Variants in CFAP52 observed in about 807,000 individuals in gnomAD.
CFAP52 encodes cilia and flagella associated protein 52.
Under a neutral mutation model 70.5 loss-of-function variants are expected in CFAP52, and 57 were observed. The observed-to-expected ratio is 0.81, with a 90% CI of 0.65 to 1.01. CFAP52 has a LOEUF of 1.01. CFAP52 is among the 50% of genes least tolerant of loss of function. CFAP52 has a pLI of 0.00. For synonymous variants in CFAP52, 267 were observed against 292.5 expected (o/e 0.91, Z 0.89); for missense variants, 785 against 788.5 (o/e 1.00, Z 0.05).
chr17:9,614,635 G>T (rs1184021281), intron 8 of CFAP52, among the ~76,000 whole-genome samples: 2 of 152,000 alleles, frequency 1.3e-5, no homozygotes, highest in African/African-American at 4.8e-5. Flanking sequence ...TTAAAAAAAG[G>T]ACTTCTGGGA....
intron 1 of CFAP52, among the ~76,000 whole-genome samples, chr17:9,582,096 C>CA (rs1215235923): frequency 6.6e-6 from 1 of 152,072 alleles, no homozygotes; most frequent in Non-Finnish European, 1.5e-5. Context: ...TTTTTAAATG[C>CA]AAAAACAAAA....
rs769825446 is a variant in CFAP52, at chr17:9,585,896, A to G, written c.194A>G (p.Asn65Ser). The G allele has an allele frequency of 1.2e-6, 2 of 1,613,872 alleles. No homozygotes were observed. Among genetic ancestry groups the G allele is most frequent in the South Asian group, 1.1e-5 (1 of 91,074 alleles). Residue 65 changes from asparagine (N) to serine (S), a missense_variant, in exon 2 of 14, where the codon AAC becomes AGC. Physicochemically the swap from Asn to Ser is conservative, Grantham distance 46. Coordinates refer to ENST00000352665, the MANE Select transcript of CFAP52 (RefSeq NM_145054.5). ...CAGAACTTCCTACAGGGTCATGGCA[A>G]CAACGTCTCCTGCTTGGCCATCTCC... Reference protein sequence around the residue: ...KEQNFLQGHGNNVSCLAISRS... With the variant: ...KEQNFLQGHGSNVSCLAISRS...
At position 9,596,085 on chromosome 17, in the gene CFAP52, A is replaced by G. The variant is rs1444986769; in HGVS notation, c.536+1764A>G. ...TATATATATATATATATATATATAT[A>G]TATATATATATATATATGTACACAT... On this transcript the variant is annotated intron_variant, in intron 4 of 13. Transcript: ENST00000352665. Among the ~76,000 whole-genome samples the G allele has an allele frequency of 6.7e-4, 94 of 139,772 alleles. 1 individual carries two copies. The highest frequency in any genetic ancestry group is 1.9e-3 in the Admixed American group (26 of 13,612). 91.7% of individuals were successfully genotyped at this position (139,772 alleles called of 152,430 possible).
At position 9,597,831 on chromosome 17, in the gene CFAP52, A is replaced by G. The variant is rs200662970; in HGVS notation, c.537-403A>G. ...AGAGAGAGAGAGAGAGAGAGAGAGA[A>G]AGAGAGAAAGAGAGAGAGAAAGAGA... is the stretch of plus-strand genomic sequence containing the variant. On this transcript the variant is annotated intron_variant, in intron 4 of 13. Transcript: ENST00000352665. 2.6e-3 allele frequency among the ~76,000 whole-genome samples: 337 copies of G among 131,696 alleles called. 2 individuals carry two copies. The highest frequency in any genetic ancestry group is 0.016 in the South Asian group (64 of 4,078). The allele number at this position is 131,696 out of a possible 152,430, so 86.4% of individuals were successfully genotyped here.
At chr17:9,597,797 G>A (rs998147350) in intron 4 of CFAP52, among the ~76,000 whole-genome samples, 9 of 138,896 alleles carry the variant, frequency 6.5e-5, no homozygotes, top group African/African-American at 2.3e-4. Context: ...GTGGGACTCT[G>A]TCAGAAAGAG....
chr17:9,589,522 T>C (rs1908647345), intron 3 of CFAP52, among the ~76,000 whole-genome samples: 1 of 152,046 alleles, frequency 6.6e-6, no homozygotes. Context: ...TACCTGAAGT[T>C]AGGAGTTTGA....
chr17:9,630,469 T>A (rs1214740667), intron 9 of CFAP52, among the ~76,000 whole-genome samples: 2 of 145,298 alleles, frequency 1.4e-5, no homozygotes, highest in Admixed American at 1.4e-4. Flanking sequence ...TTTTTCTGTC[T>A]CCCAGGCTGG....
chr17:9,643,030 T>A lies in CFAP52; in HGVS notation c.1695T>A (p.Asn565Lys), dbSNP rs569015866. 2.5e-6 allele frequency: 4 copies of A among 1,599,378 alleles called. No homozygotes were observed. Among genetic ancestry groups the A allele is most frequent in the Non-Finnish European group, 3.4e-6 (4 of 1,172,994 alleles). ...QEGVHFVTGG[N>K]DHLVKVWDYN... ...CGTGTTTATCTTTTTCAGGTGGAAA[T>A]GACCATCTGGTCAAAGTTTGGGATT... The change falls in exon 14 of 14, where the codon AAT (asparagine) becomes AAA (lysine). Residue 565 changes from asparagine (N) to lysine (K), a missense_variant. Transcript: ENST00000352665.
intron 3 of CFAP52, among the ~76,000 whole-genome samples, chr17:9,589,732 C>A (rs1373609301): frequency 4.7e-5 from 6 of 127,496 alleles, no homozygotes; most frequent in African/African-American, 1.9e-4. Flanking sequence ...GACTCCGTCT[C>A]AAAAAAAAAA....
chr17:9,627,224 G>T (rs868092455), intron 8 of CFAP52, among the ~76,000 whole-genome samples: 13 of 151,084 alleles, frequency 8.6e-5, no homozygotes, highest in African/African-American at 2.7e-4. Flanking sequence ...AAGATTGTCT[G>T]CTTGGCTGGG....
At chr17:9,631,765 G>T (rs1910551185) in intron 9 of CFAP52, among the ~76,000 whole-genome samples, 1 of 150,238 alleles carries the variant, frequency 6.7e-6, no homozygotes, top group Non-Finnish European at 1.5e-5. Flanking sequence ...AAATGTTTTG[G>T]AAAGTTTTTT....
At chr17:9,587,289 T>C (rs1239265386) in intron 3 of CFAP52, among the ~76,000 whole-genome samples, 1 of 152,244 alleles carries the variant, frequency 6.6e-6, no homozygotes, top group South Asian at 2.1e-4. Flanking sequence ...TTTGGGTTGA[T>C]TCCATGTCTT....
chr17:9,628,175 C>T (rs1458670177), intron 8 of CFAP52, among the ~76,000 whole-genome samples: 1 of 152,140 alleles, frequency 6.6e-6, no homozygotes, highest in Non-Finnish European at 1.5e-5. Flanking sequence ...AAAAGATGGT[C>T]CACAGATGAT....
downstream of CFAP52, chr17:9,644,584 TG>T (rs1249257119): frequency 7.1e-5 from 4 of 56,052 alleles, no homozygotes; most frequent in African/African-American, 3.0e-4. Flanking sequence ...TGGGATAAAG[TG>T]AGGGGTGGGG....
intron 9 of CFAP52, among the ~76,000 whole-genome samples, chr17:9,632,650 T>C (rs1473928093): frequency 1.3e-5 from 2 of 151,968 alleles, no homozygotes; most frequent in African/African-American, 2.4e-5. Context: ...TTGGGTTGGG[T>C]AGATGGAATT....
chr17:9,598,304 C>T lies in CFAP52; in HGVS notation c.607C>T (p.Gln203Ter). The change falls in exon 5 of 14, where the codon CAG (glutamine) becomes TAG (stop). Residue 203 changes from glutamine (Q) to a stop codon, truncating the protein, a stop_gained. Coordinates refer to ENST00000352665, the MANE Select transcript of CFAP52 (RefSeq NM_145054.5). LOFTEE classifies it high-confidence loss of function. The stretch of plus-strand genomic sequence containing the variant: ...CTGGCCAACTGAGTGCCAAACAGGA[C>T]AGTTGAAAAGAATAGTCATGAGTAT... ...KIWPTECQTG[Q>*]LKRIVMSIGV... is the part of the protein sequence containing the mutation. The T allele has an allele frequency of 6.2e-7, 1 of 1,612,642 alleles. No homozygotes were observed. The highest frequency in any genetic ancestry group is 8.5e-7 in the Non-Finnish European group (1 of 1,179,656).
chr17:9,628,917 A>G, intron 9 of CFAP52, 97 bp downstream of exon 9: 2 of 1,544,070 alleles, frequency 1.3e-6, no homozygotes, highest in Admixed American at 3.5e-5. Context: ...TGGATAACCT[A>G]GAACAGCCTC....
Position 9,641,904 on chromosome 17 carries a change from C to G in CFAP52, c.1687+69C>G, listed in dbSNP as rs1235338751. ...CGAGGACATGGAAGGAACTCCCAGG[C>G]TAGAGGCAATTGGAAAAGACAACAA... is the stretch of plus-strand genomic sequence containing the variant. On this transcript the variant is annotated intron_variant, in intron 13 of 13. Coordinates refer to ENST00000352665, the MANE Select transcript of CFAP52 (RefSeq NM_145054.5). 2.9e-6 allele frequency: 4 copies of G among 1,383,886 alleles called. No individual in the cohort carries two copies. The African/African-American group carries it at 4.3e-5, about 15-fold the overall frequency. The allele number at this position is 1,383,886 out of a possible 1,614,324, so 85.7% of individuals were successfully genotyped here. A position where few individuals can be genotyped will look rare whatever the true frequency, so the allele number is the denominator to read the frequency against.
chr17:9,625,371 C>G (rs550138562), intron 8 of CFAP52, among the ~76,000 whole-genome samples: 2 of 151,940 alleles, frequency 1.3e-5, no homozygotes, highest in Non-Finnish European at 2.9e-5. Flanking sequence ...GATATTCCCC[C>G]TTTAAATTCC....
Sources: allele counts gnomAD v4.1 joint callset (sites outside exome capture counted in the v4.1 genomes callset), GRCh38; gene constraint gnomAD v4.1.1; transcripts MANE v1.5; gene names NCBI Gene and HGNC (gene_info 2026-07-23, HGNC 2026-07-21).